Variants in SV2C observed in about 807,000 individuals in gnomAD.
SV2C encodes solute carrier family 22 member B3.
Under a neutral mutation model 79.7 loss-of-function variants are expected in SV2C, and 49 were observed. The ratio of observed to expected loss-of-function variants is 0.61; its 90% CI spans 0.49 to 0.78. The LOEUF is 0.78. Ranked by LOEUF, SV2C falls within the 30% of genes least tolerant of loss-of-function variation. The pLI, the probability that SV2C is intolerant of heterozygous loss-of-function variation, is 0.00. For missense variants in SV2C, 833 were observed against 912.9 expected (o/e 0.91, Z 1.13); for synonymous variants, 334 against 333.2 (o/e 1.00, Z -0.03).
chr5:76,135,624 A>G (rs1400740025), intron 2 of SV2C, among the ~76,000 whole-genome samples: 1 of 152,244 alleles, frequency 6.6e-6, no homozygotes, highest in Non-Finnish European at 1.5e-5. Flanking sequence ...AGTGAGCACA[A>G]TAAACACAAT....
chr5:76,137,838 G>T (rs1749119896), intron 2 of SV2C, among the ~76,000 whole-genome samples: 1 of 152,118 alleles, frequency 6.6e-6, no homozygotes, highest in Admixed American at 6.6e-5. Context: ...AGTGGGAGTG[G>T]GGAGGAGGGT....
the SV2C span, among the ~76,000 whole-genome samples, chr5:75,863,082 T>C: frequency 6.6e-6 from 1 of 152,160 alleles, no homozygotes; most frequent in Non-Finnish European, 1.5e-5. Context: ...AGAAAGAGTG[T>C]TGCCAGGGGA....
intron 10 of SV2C, 104 bp from the exon 11 acceptor site, chr5:76,300,625 G>A (rs1747957375): frequency 1.6e-6 from 2 of 1,234,368 alleles, no homozygotes; most frequent in South Asian, 2.8e-5. Context: ...AGCCCTCAAG[G>A]AATTTACAAT....
At chr5:76,243,309 G>A (rs946205993) in intron 4 of SV2C, among the ~76,000 whole-genome samples, 12 of 152,154 alleles carry the variant, frequency 7.9e-5, no homozygotes, top group African/African-American at 2.4e-4. Flanking sequence ...CCACAAGAAC[G>A]CTCTCAGATT....
chr5:76,035,116 C>T, the SV2C span, among the ~76,000 whole-genome samples: 43 of 151,984 alleles, frequency 2.8e-4, no homozygotes, highest in African/African-American at 9.2e-4. Flanking sequence ...TTTTTTATTG[C>T]GTCTATTTGA....
At chr5:75,999,375 A>AAGAGAGAGAGAGAG in the SV2C span, among the ~76,000 whole-genome samples, 3 of 134,726 alleles carry the variant, frequency 2.2e-5, no homozygotes, top group East Asian at 5.3e-4. Context: ...GGGAGGGAGA[A>AAGAGAGAGAGAGAG]AGAGAGAGAG....
At chr5:76,285,072 A>G (rs937445901) in intron 4 of SV2C, 90 bp from the exon 5 acceptor site, 40 of 1,552,290 alleles carry the variant, frequency 2.6e-5, no homozygotes, top group Admixed American at 1.5e-4. Context: ...GACTTGACTA[A>G]TAAGTCCATG....
At chr5:76,037,209 A>G in the SV2C span, among the ~76,000 whole-genome samples, 1 of 152,154 alleles carries the variant, frequency 6.6e-6, no homozygotes, top group Admixed American at 6.5e-5. Context: ...CATAGCTCGG[A>G]GTAATTTGAT....
Position 76,202,312 on chromosome 5 carries a change from G to A in SV2C, c.761+7213G>A, listed in dbSNP as rs568702289. Among the ~76,000 whole-genome samples the A allele has an allele frequency of 2.2e-4, 33 of 152,278 alleles. No homozygotes were observed. The South Asian group carries it at 6.0e-3, about 28-fold the overall frequency. On this transcript the variant is annotated intron_variant, in intron 3 of 12. Transcript: ENST00000502798. ...AAATATTGACTCTCATCAGTGACCC[G>A]ATGAGAAAGATGCTATTCATTATTC...
At position 76,319,417 on chromosome 5, in the gene SV2C, C is replaced by CA. The variant is rs545416999; in HGVS notation, c.2001-5938dup. ...TGGGCCACAGAGCGAGACTCCATCT[C>CA]AAAAAAAAAGAAAAAAAGAAAAGAA... is the stretch of plus-strand genomic sequence containing the variant. On this transcript the variant is annotated intron_variant, in intron 12 of 12. Transcript: ENST00000502798. Among the ~76,000 whole-genome samples the CA allele has an allele frequency of 4.6e-3, 681 of 149,098 alleles. 1 individual carries two copies. Among genetic ancestry groups the CA allele is most frequent in the Non-Finnish European group, 7.4e-3 (499 of 67,242 alleles).
At chr5:76,233,799 C>G (rs1304591105) in intron 4 of SV2C, among the ~76,000 whole-genome samples, 1 of 148,362 alleles carries the variant, frequency 6.7e-6, no homozygotes, top group East Asian at 1.9e-4. Flanking sequence ...CCCACTTGAT[C>G]ATGGTGGATA....
chr5:75,910,250 G>A, the SV2C span: 6 of 449,242 alleles, frequency 1.3e-5, no homozygotes, highest in East Asian at 5.7e-5. Flanking sequence ...GCAACATGGC[G>A]AAACCTCATC....
At chr5:75,919,554 G>C in the SV2C span, among the ~76,000 whole-genome samples, 1 of 152,114 alleles carries the variant, frequency 6.6e-6, no homozygotes, top group Non-Finnish European at 1.5e-5. Flanking sequence ...CCTAAACCTT[G>C]TTCTCTTAAA....
chr5:76,022,211 C>G, the SV2C span, among the ~76,000 whole-genome samples: 1 of 152,148 alleles, frequency 6.6e-6, no homozygotes. Context: ...TCTCAGCATG[C>G]CTGGTGCATC....
At chr5:76,006,302 A>G in the SV2C span, among the ~76,000 whole-genome samples, 1 of 152,196 alleles carries the variant, frequency 6.6e-6, no homozygotes, top group East Asian at 1.9e-4. Flanking sequence ...CCCTTCATAT[A>G]TGTGAATTTC....
chr5:76,154,249 C>T (rs1188821826), intron 2 of SV2C, among the ~76,000 whole-genome samples: 1 of 152,188 alleles, frequency 6.6e-6, no homozygotes, highest in African/African-American at 2.4e-5. Flanking sequence ...CTAATGGTGT[C>T]CTCCAGGATC....
At chr5:76,324,255 C>T (rs1748916233) in intron 12 of SV2C, among the ~76,000 whole-genome samples, 1 of 152,152 alleles carries the variant, frequency 6.6e-6, no homozygotes, top group South Asian at 2.1e-4. Flanking sequence ...ACACCCTGCT[C>T]AGCCTGCCAT....
intron 2 of SV2C, among the ~76,000 whole-genome samples, chr5:76,173,407 A>G (rs934591428): frequency 4.6e-5 from 7 of 152,242 alleles, no homozygotes; most frequent in African/African-American, 1.7e-4. Flanking sequence ...TACCAGCTGC[A>G]TACTCTAGGA....
the SV2C span, among the ~76,000 whole-genome samples, chr5:75,999,375 AAGAGAGAGAGAGAGAGAGAGAG>A: frequency 7.4e-6 from 1 of 134,716 alleles, no homozygotes; most frequent in Non-Finnish European, 1.5e-5. Context: ...GGGAGGGAGA[AAGAGAGAGAGAGAGAGAGAGAG>A]AGAGAGAGAG....
Sources: gnomAD v4.1 joint callset for allele counts (sites outside exome capture counted in the v4.1 genomes callset) on GRCh38, gnomAD v4.1.1 for gene constraint, MANE v1.5 for transcripts, NCBI Gene and HGNC (gene_info 2026-07-23, HGNC 2026-07-21) for gene names.